The following FANK1 variants were observed in gnomAD, a reference collection of about 807,000 sequenced individuals.
The protein encoded by FANK1 is fibronectin type III and ankyrin repeat domains 1, also known as fibronectin type 3 and ankyrin repeat domains protein 1.
FANK1 carries 44 observed loss-of-function variants against 45.3 expected under a neutral mutation model. That is an observed-to-expected ratio of 0.97 (90% CI 0.76 to 1.25). The LOEUF is 1.25. Among genes scored for constraint, FANK1 ranks in the 50% most tolerant of loss-of-function variants. The pLI, the probability that FANK1 is intolerant of heterozygous loss-of-function variation, is 0.00. For missense variants in FANK1, 391 were observed against 424.4 expected (o/e 0.92, Z 0.69); for synonymous variants, 149 against 152.5 (o/e 0.98, Z 0.17).
chr10:125,971,022 T>G (rs113758152), intron 1 of FANK1, among the ~76,000 whole-genome samples: 2,865 of 152,314 alleles, frequency 0.019, 99 homozygotes, highest in African/African-American at 0.065. Context: ...TTAGCTGTAT[T>G]ATAAAACTTG....
chr10:125,916,426 C>G (rs1946452459), intron 1 of FANK1, among the ~76,000 whole-genome samples: 1 of 151,686 alleles, frequency 6.6e-6, no homozygotes, highest in Admixed American at 6.6e-5. Context: ...AAGAGAACCC[C>G]TGTAATCGAT....
chr10:125,999,298 C>A (rs1420460972), intron 6 of FANK1, among the ~76,000 whole-genome samples: 1 of 149,950 alleles, frequency 6.7e-6, no homozygotes, highest in Admixed American at 6.7e-5. Context: ...CTCCCGGGTT[C>A]ACGCCATTCT....
At chr10:125,981,319 G>C (rs1057115330) in intron 2 of FANK1, among the ~76,000 whole-genome samples, 1 of 152,010 alleles carries the variant, frequency 6.6e-6, no homozygotes, top group African/African-American at 2.4e-5. Context: ...ACCAGCCTAG[G>C]CAACATAGTG....
Position 125,999,792 on chromosome 10 carries a change from C to T in FANK1, c.539+2307C>T, listed in dbSNP as rs186436705. 7.2e-5 allele frequency among the ~76,000 whole-genome samples: 11 copies of T among 152,174 alleles called. No homozygotes were observed. In the East Asian group the frequency reaches 1.7e-3, roughly 24 times the overall value. On this transcript the variant is annotated intron_variant, in intron 6 of 10. Coordinates refer to ENST00000368693, the MANE Select transcript of FANK1 (RefSeq NM_145235.5). Reference sequence around the variant, plus strand: ...ATTTAATGAGTTAATATGAAAAATGCGTTAAAACAGTTCCTGGCATATGGT... The same window carrying T: ...ATTTAATGAGTTAATATGAAAAATGTGTTAAAACAGTTCCTGGCATATGGT...
At chr10:125,902,768 C>T (rs1271048354) in intron 1 of FANK1, among the ~76,000 whole-genome samples, 1 of 152,228 alleles carries the variant, frequency 6.6e-6, no homozygotes, top group Non-Finnish European at 1.5e-5. Flanking sequence ...CCAGCACCTG[C>T]TCATTAATTA....
chr10:125,990,145 C>T (rs1032943478), intron 3 of FANK1, among the ~76,000 whole-genome samples: 1 of 152,184 alleles, frequency 6.6e-6, no homozygotes, highest in Non-Finnish European at 1.5e-5. Context: ...AGTATTCCCC[C>T]ACCTCTATGA....
chr10:125,963,401 T>C (rs1409796070), intron 1 of FANK1, among the ~76,000 whole-genome samples: 1 of 152,234 alleles, frequency 6.6e-6, no homozygotes, highest in Non-Finnish European at 1.5e-5. Context: ...ACTGGGTATC[T>C]ACCCAAAGGA....
chr10:125,955,963 A>G (rs1374159941), intron 1 of FANK1, among the ~76,000 whole-genome samples: 1 of 152,210 alleles, frequency 6.6e-6, no homozygotes, highest in Non-Finnish European at 1.5e-5. Context: ...ATGTTTTGAA[A>G]GACTTCTAGT....
intron 3 of FANK1, among the ~76,000 whole-genome samples, chr10:125,989,023 C>T (rs1333549225): frequency 3.9e-5 from 6 of 152,164 alleles, no homozygotes; most frequent in Non-Finnish European, 5.9e-5. Flanking sequence ...CCTGCCTGAG[C>T]GTCCTTGGGC....
intron 1 of FANK1, among the ~76,000 whole-genome samples, chr10:125,913,276 G>A (rs532422538): frequency 2.0e-5 from 3 of 151,840 alleles, no homozygotes; most frequent in Non-Finnish European, 2.9e-5. Flanking sequence ...ACACCTAAAC[G>A]CTGCATGACA....
intron 1 of FANK1, among the ~76,000 whole-genome samples, chr10:125,935,329 C>A (rs1223969328): frequency 6.6e-6 from 1 of 152,168 alleles, no homozygotes; most frequent in Admixed American, 6.5e-5. Flanking sequence ...ATCCTCATAG[C>A]TTTACATGGC....
At chr10:125,905,240 C>T in intron 1 of FANK1, among the ~76,000 whole-genome samples, 1 of 152,424 alleles carries the variant, frequency 6.6e-6, no homozygotes, top group South Asian at 2.1e-4. Context: ...ATAGCCACTG[C>T]ACTCCAGCCT....
At chr10:125,946,133 G>C (rs1412084886) in intron 1 of FANK1, among the ~76,000 whole-genome samples, 6 of 152,048 alleles carry the variant, frequency 3.9e-5, no homozygotes, top group African/African-American at 4.8e-5. Context: ...AAGACCAAAA[G>C]TAGATAAAAC....
intron 1 of FANK1, among the ~76,000 whole-genome samples, chr10:125,952,728 G>T (rs963495358): frequency 6.7e-6 from 1 of 150,140 alleles, no homozygotes; most frequent in African/African-American, 2.5e-5. Flanking sequence ...CCTTGTTGTT[G>T]TTCTGTGAGT....
intron 1 of FANK1, among the ~76,000 whole-genome samples, chr10:125,950,139 G>A (rs1200011634): frequency 5.6e-4 from 82 of 146,994 alleles, no homozygotes; most frequent in Middle Eastern, 3.4e-3. Flanking sequence ...AGACTTAAAC[G>A]TTAGACCTAA....
At chr10:125,937,723 A>T (rs1390740225) in intron 1 of FANK1, among the ~76,000 whole-genome samples, 1 of 152,168 alleles carries the variant, frequency 6.6e-6, no homozygotes, top group Non-Finnish European at 1.5e-5. Flanking sequence ...TTTTGTGCAT[A>T]TGTATATTTA....
At chr10:125,935,993 A>T (rs1255451622) in intron 1 of FANK1, among the ~76,000 whole-genome samples, 3 of 152,224 alleles carry the variant, frequency 2.0e-5, no homozygotes, top group Admixed American at 6.5e-5. Context: ...ATTCGTCATT[A>T]GGTAGTAGCA....
At chr10:125,964,220 T>G (rs1950091530) in intron 1 of FANK1, among the ~76,000 whole-genome samples, 1 of 129,462 alleles carries the variant, frequency 7.7e-6, no homozygotes, top group African/African-American at 3.0e-5. Flanking sequence ...TGAGATGGAG[T>G]CATGCTCCGT....
At chr10:125,972,310 T>G (rs1185402092) in intron 1 of FANK1, 1 of 152,172 alleles carries the variant, frequency 6.6e-6, no homozygotes, top group African/African-American at 2.4e-5. Flanking sequence ...TCTGCTCCAT[T>G]GTCATAGTAA....
Sources: gnomAD v4.1 joint callset for allele counts (sites outside exome capture counted in the v4.1 genomes callset) on GRCh38, gnomAD v4.1.1 for gene constraint, MANE v1.5 for transcripts, NCBI Gene and HGNC (gene_info 2026-07-23, HGNC 2026-07-21) for gene names.